The following SMC1B variants were observed in gnomAD, a reference collection of about 807,000 sequenced individuals.
The protein encoded by SMC1B is structural maintenance of chromosomes 1B, also known as structural maintenance of chromosomes protein 1B.
A neutral mutation model predicts 157.9 loss-of-function variants in SMC1B; 60 were observed. The ratio of observed to expected loss-of-function variants is 0.38; its 90% CI spans 0.31 to 0.47. SMC1B has a LOEUF of 0.47. SMC1B is among the 20% of genes least tolerant of loss of function. The pLI, the probability that SMC1B is intolerant of heterozygous loss-of-function variation, is 0.99. For synonymous variants in SMC1B, 445 were observed against 483.0 expected, an observed-to-expected ratio of 0.92 and a Z score of 1.03; for missense variants, 1,165 against 1,426.2, an observed-to-expected ratio of 0.82 and a Z score of 2.95.
intron 22 of SMC1B, among the ~76,000 whole-genome samples, chr22:45,350,254 C>CTTTTTTTTTTT (rs66465413): frequency 1.5e-5 from 2 of 131,346 alleles, no homozygotes; most frequent in Non-Finnish European, 3.1e-5. Context: ...CTCCTGAGTT[C>CTTTTTTTTTTT]TTTTTTTTTT....
At chr22:45,407,217 A>G (rs1302851038) in intron 2 of SMC1B, among the ~76,000 whole-genome samples, 1 of 152,224 alleles carries the variant, frequency 6.6e-6, no homozygotes. Context: ...GTTACTAAAT[A>G]AGGTAGCTGT....
intron 12 of SMC1B, among the ~76,000 whole-genome samples, chr22:45,375,984 G>A (rs1234156560): frequency 6.6e-6 from 1 of 152,168 alleles, no homozygotes; most frequent in African/African-American, 2.4e-5. Context: ...GAACTGAGCT[G>A]TAAGCCCATC....
chr22:45,353,675 C>T (rs985868336), intron 21 of SMC1B, among the ~76,000 whole-genome samples: 4 of 151,886 alleles, frequency 2.6e-5, no homozygotes, highest in Admixed American at 1.3e-4. Flanking sequence ...TACCAGACTA[C>T]AGAATTTTGG....
At chr22:45,406,929 C>T (rs962143020) in intron 2 of SMC1B, 64 bp from the exon 3 acceptor site, 13 of 1,124,916 alleles carry the variant, frequency 1.2e-5, no homozygotes, top group South Asian at 9.2e-5. Context: ...CAAAATCCAC[C>T]GAAAGTTTAA....
Position 45,361,825 on chromosome 22 carries a change from G to A in SMC1B, c.2708+14C>T. The stretch of plus-strand genomic sequence containing the variant: ...CTCTGACTAGGTCTTTCAAACTGAT[G>A]AAGTCTTAATTACCTATCAACAGCC... On this transcript the variant is annotated intron_variant, in intron 17 of 24. Coordinates refer to ENST00000357450, the MANE Select transcript of SMC1B (RefSeq NM_148674.5). 6.2e-7 allele frequency: 1 copy of A among 1,610,832 alleles called. No individual in the cohort carries two copies.
chr22:45,348,963 C>T (rs150661658), intron 23 of SMC1B, among the ~76,000 whole-genome samples: 2,014 of 151,626 alleles, frequency 0.013, 38 homozygotes, highest in African/African-American at 0.042. Flanking sequence ...CTCAGCCTCC[C>T]GAAGTGCTGA....
chr22:45,356,080 C>CA (rs908588920), intron 19 of SMC1B, among the ~76,000 whole-genome samples: 7 of 151,842 alleles, frequency 4.6e-5, no homozygotes, highest in African/African-American at 1.4e-4. Context: ...AAAAACAAAA[C>CA]AAAAAAAAGT....
rs186106247 is a variant in SMC1B, at chr22:45,383,457, A to G, written c.2058+10T>C. On this transcript the variant is annotated intron_variant, in intron 12 of 24. Coordinates refer to ENST00000357450, the MANE Select transcript of SMC1B (RefSeq NM_148674.5). Reference sequence around the variant, plus strand: ...CTTAGTATATTACAACTTTTATGACATGGATTTACCTTTAGCTCTTGGATT... The same window carrying G: ...CTTAGTATATTACAACTTTTATGACGTGGATTTACCTTTAGCTCTTGGATT... 2.3e-5 allele frequency: 36 copies of G among 1,571,636 alleles called. No individual in the cohort carries two copies. In the African/African-American group the frequency reaches 3.5e-4, roughly 15 times the overall value.
chr22:45,384,493 G>A (rs1244437089), intron 11 of SMC1B, among the ~76,000 whole-genome samples: 2 of 152,106 alleles, frequency 1.3e-5, no homozygotes, highest in African/African-American at 4.8e-5. Flanking sequence ...ACTTTGGGAG[G>A]CAGATCACTT....
rs757181704 is a variant in SMC1B, at chr22:45,359,940, T to C, written c.2727A>G (p.Gln909=). 6 of 1,613,736 alleles carry C rather than the reference T, an allele frequency of 3.7e-6. No individual in the cohort carries two copies. Among genetic ancestry groups the C allele is most frequent in the African/African-American group, 1.3e-5 (1 of 74,946 alleles). Residue 909 remains glutamine, a synonymous_variant, in exon 18 of 25, where the codon CAA becomes CAG. Transcript: ENST00000357450. ...AAGTTTGAATACTTACAACTTCTTT[T>C]TGCAATTTCCCCACTTCCCTGTAAT... ...LAVDREVGKL[Q]KEVVSIQTSL...
chr22:45,376,726 T>C (rs80355734), intron 12 of SMC1B, among the ~76,000 whole-genome samples: 43 of 151,934 alleles, frequency 2.8e-4, no homozygotes, highest in Middle Eastern at 6.8e-3. Context: ...GTTTTTTTTT[T>C]CCTCACACAA....
intron 2 of SMC1B, 137 bp downstream of exon 2, chr22:45,408,573 T>TA (rs766104451): frequency 3.3e-5 from 18 of 552,078 alleles, no homozygotes; most frequent in Non-Finnish European, 4.7e-5. Flanking sequence ...GCTTCTGAGA[T>TA]ATGCTATGCA....
intron 18 of SMC1B, among the ~76,000 whole-genome samples, chr22:45,359,523 G>A (rs1293949243): frequency 2.0e-5 from 3 of 152,126 alleles, no homozygotes; most frequent in Non-Finnish European, 4.4e-5. Context: ...GAGAGTGCAG[G>A]GAACCGCTGC....
Position 45,394,726 on chromosome 22 carries a change from T to C in SMC1B, c.1296A>G (p.Lys432=). 2 of 1,562,084 alleles carry C rather than the reference T, an allele frequency of 1.3e-6. No individual in the cohort carries two copies. The highest frequency in any genetic ancestry group is 1.8e-5 in the Admixed American group (1 of 54,930). The part of the protein sequence containing the change: ...KQIKEQIEDH[K]KRIEKLEEYT... The stretch of plus-strand genomic sequence containing the variant: ...ACTCCTCTAACTTCTCTATTCGTTT[T>C]TTATGATCTTCTATTTGTTCTTTTA... Residue 432 remains lysine, a synonymous_variant, in exon 8 of 25, where the codon AAA becomes AAG. Coordinates refer to ENST00000357450, the MANE Select transcript of SMC1B (RefSeq NM_148674.5).
intron 16 of SMC1B, 21 bp from the exon 17 acceptor site, chr22:45,362,005 T>C (rs201314069): frequency 5.7e-5 from 92 of 1,600,500 alleles, no homozygotes; most frequent in African/African-American, 1.2e-4. Flanking sequence ...AGGATCTGCA[T>C]TGTAGATTTA....
chr22:45,345,978 C>T (rs555391216), intron 23 of SMC1B, among the ~76,000 whole-genome samples: 51 of 150,752 alleles, frequency 3.4e-4, no homozygotes, highest in African/African-American at 1.1e-3. Flanking sequence ...CTGAGGCAGG[C>T]GGATCACCAG....
At chr22:45,364,821 T>C (rs1389470947) in intron 15 of SMC1B, among the ~76,000 whole-genome samples, 1 of 138,784 alleles carries the variant, frequency 7.2e-6, no homozygotes, top group Non-Finnish European at 1.5e-5. Flanking sequence ...AGGATCTCTT[T>C]TCCTTTTTTT....
chr22:45,408,210 C>G (rs1451389646), intron 2 of SMC1B, among the ~76,000 whole-genome samples: 1 of 152,182 alleles, frequency 6.6e-6, no homozygotes, highest in Non-Finnish European at 1.5e-5. Context: ...ACTGCAAGCT[C>G]TGCCTCCCGG....
At chr22:45,397,676 C>T (rs1207525742) in intron 6 of SMC1B, among the ~76,000 whole-genome samples, 1 of 152,168 alleles carries the variant, frequency 6.6e-6, no homozygotes, top group Non-Finnish European at 1.5e-5. Context: ...CATTGTTGTA[C>T]CCACTTTAGG....
Sources: gnomAD v4.1 joint callset for allele counts (sites outside exome capture counted in the v4.1 genomes callset) on GRCh38, gnomAD v4.1.1 for gene constraint, MANE v1.5 for transcripts, NCBI Gene and HGNC (gene_info 2026-07-23, HGNC 2026-07-21) for gene names.